The following RALGAPA1 variants were observed in gnomAD, a reference collection of about 807,000 sequenced individuals.
RALGAPA1 encodes the protein ral GTPase-activating protein subunit alpha-1.
A neutral mutation model predicts 269.6 loss-of-function variants in RALGAPA1; 52 were observed. The observed-to-expected ratio is 0.19, with a 90% confidence interval of 0.15 to 0.24. The LOEUF (loss-of-function observed/expected upper bound fraction) is 0.24. Ranked by LOEUF, RALGAPA1 falls within the 10% of genes least tolerant of loss-of-function variation. RALGAPA1 has a pLI of 1.00. For synonymous variants in RALGAPA1, 817 were observed against 1,008.3 expected (o/e 0.81, Z 3.60); for missense variants, 1,917 against 3,013.9 (o/e 0.64, Z 8.52).
At chr14:35,563,020 CAAAAAAAAAA>C (rs71445944) in intron 39 of RALGAPA1, among the ~76,000 whole-genome samples, 10 of 37,254 alleles carry the variant, frequency 2.7e-4, no homozygotes, top group Non-Finnish European at 3.4e-4. Flanking sequence ...GAGTCCGTCT[CAAAAAAAAAA>C]AAAAAAAAAA....
At chr14:35,796,446 C>T (rs1030141899) in intron 1 of RALGAPA1, among the ~76,000 whole-genome samples, 5 of 152,026 alleles carry the variant, frequency 3.3e-5, no homozygotes, top group Non-Finnish European at 7.4e-5. Flanking sequence ...GAGTTCTAAA[C>T]GTAAGGCGGG....
At chr14:35,688,391 T>C in intron 18 of RALGAPA1, 68 bp downstream of exon 18, 1 of 1,521,024 alleles carries the variant, frequency 6.6e-7, no homozygotes, top group Non-Finnish European at 8.8e-7. Context: ...TATAGCTTGC[T>C]TCAGTTGCAT....
intron 7 of RALGAPA1, 22 bp from the exon 8 acceptor site, chr14:35,752,184 A>G: frequency 6.7e-7 from 1 of 1,492,622 alleles, no homozygotes; most frequent in South Asian, 1.3e-5. Context: ...TTATATAATT[A>G]GAATCATTCC....
chr14:35,628,094 A>T, intron 33 of RALGAPA1, 143 bp from the exon 34 acceptor site: 1 of 971,548 alleles, frequency 1.0e-6, no homozygotes, highest in Non-Finnish European at 1.4e-6. Context: ...AATGATGGCA[A>T]AAAAGGAGGA....
At chr14:35,641,526 G>A (rs1033182066) in intron 31 of RALGAPA1, among the ~76,000 whole-genome samples, 2 of 151,926 alleles carry the variant, frequency 1.3e-5, no homozygotes, top group Non-Finnish European at 1.5e-5. Context: ...TAAATAGTTC[G>A]GAATTAATCT....
At chr14:35,544,184 C>G (rs1049948843) in intron 41 of RALGAPA1, among the ~76,000 whole-genome samples, 1 of 152,166 alleles carries the variant, frequency 6.6e-6, no homozygotes, top group Non-Finnish European at 1.5e-5. Context: ...TCATACTTCT[C>G]CCCTGGCAAC....
At chr14:35,754,681 A>T (rs1164943876) in intron 7 of RALGAPA1, among the ~76,000 whole-genome samples, 1 of 152,168 alleles carries the variant, frequency 6.6e-6, no homozygotes, top group Non-Finnish European at 1.5e-5. Flanking sequence ...GTCAATATAT[A>T]CCCCTACTAT....
intron 9 of RALGAPA1, among the ~76,000 whole-genome samples, chr14:35,750,229 G>A (rs935906832): frequency 2.0e-5 from 3 of 151,948 alleles, no homozygotes; most frequent in Non-Finnish European, 4.4e-5. Context: ...TTTTAGTATT[G>A]TATAATTAAA....
intron 10 of RALGAPA1, among the ~76,000 whole-genome samples, chr14:35,747,561 TA>T (rs1162354419): frequency 6.6e-6 from 1 of 152,216 alleles, no homozygotes; most frequent in Non-Finnish European, 1.5e-5. Flanking sequence ...TACACATCAA[TA>T]AGTATGTGTG....
intron 1 of RALGAPA1, among the ~76,000 whole-genome samples, chr14:35,779,733 C>A (rs939514127): frequency 6.6e-6 from 1 of 151,982 alleles, no homozygotes; most frequent in Non-Finnish European, 1.5e-5. Context: ...CAAGATTTTG[C>A]GACATATTAG....
At chr14:35,550,159 A>G (rs1483636024) in intron 39 of RALGAPA1, among the ~76,000 whole-genome samples, 1 of 152,224 alleles carries the variant, frequency 6.6e-6, no homozygotes, top group Non-Finnish European at 1.5e-5. Context: ...GAAAGCAACT[A>G]TGGAAATGGC....
chr14:35,758,411 T>G (rs936447012), intron 6 of RALGAPA1, among the ~76,000 whole-genome samples: 1 of 152,036 alleles, frequency 6.6e-6, no homozygotes, highest in Non-Finnish European at 1.5e-5. Context: ...AATCCACTGT[T>G]CCCATAAAGA....
At position 35,689,070 on chromosome 14, in the gene RALGAPA1, G is replaced by A; in HGVS notation, c.3341C>T (p.Pro1114Leu). The A allele has an allele frequency of 8.1e-7, 1 of 1,235,420 alleles. No individual in the cohort carries two copies. Among genetic ancestry groups the A allele is most frequent in the East Asian group, 3.1e-5 (1 of 31,832 alleles). The allele number at this position is 1,235,420 out of a possible 1,614,324, so 76.5% of individuals were successfully genotyped here. Residue 1114 changes from proline to leucine, a missense_variant, in exon 18 of 42, where the codon CCT becomes CTT. By Grantham distance (98) the Pro-to-Leu change is moderately conservative (BLOSUM62 -3). Coordinates refer to ENST00000680220, the MANE Select transcript of RALGAPA1 (RefSeq NM_001346249.2). ...AAGTTTGCTAGTACTTGTAACATGAGGCATTCTGCGGTTAACAGGTGCTTT... is the reference window on the plus strand; with the variant it reads ...AAGTTTGCTAGTACTTGTAACATGAAGCATTCTGCGGTTAACAGGTGCTTT... Reference protein sequence around the residue: ...TLKAPVNRRMPHVTSTSKLSP... With the variant: ...TLKAPVNRRMLHVTSTSKLSP...
intron 39 of RALGAPA1, among the ~76,000 whole-genome samples, chr14:35,555,388 A>G (rs528950487): frequency 1.3e-5 from 2 of 152,298 alleles, no homozygotes; most frequent in South Asian, 4.1e-4. Context: ...GTGGCCATTT[A>G]TAGAGAAGGG....
At position 35,748,626 on chromosome 14, in the gene RALGAPA1, T is replaced by C; in HGVS notation, c.1210A>G (p.Lys404Glu). The C allele has an allele frequency of 6.2e-7, 1 of 1,611,438 alleles. No homozygotes were observed. The highest frequency in any genetic ancestry group is 8.5e-7 in the Non-Finnish European group (1 of 1,178,572). The change falls in exon 10 of 42, where the codon AAA becomes GAA. Residue 404 changes from lysine (K) to glutamate (E), a missense_variant. Lys to Glu is a moderately conservative substitution (Grantham distance 56). Around this residue, in one of 11 missense-constraint regions of RALGAPA1, gnomAD observed 462 missense variants for 725.6 expected, o/e 0.64. Coordinates refer to ENST00000680220, the MANE Select transcript of RALGAPA1 (RefSeq NM_001346249.2). ...GTCACAAAGTTTACATTACTCCTTT[T>C]AGAAGAAAAAACTCTGCGAACTATT... ...IEIVRRVFSSKRSNVNFVTEI... is the reference protein window; with the variant it reads ...IEIVRRVFSSERSNVNFVTEI...
rs753208295 is a variant in RALGAPA1, at chr14:35,748,781, T to C, written c.1055A>G (p.Asp352Gly). Residue 352 changes from aspartate (D) to glycine (G), a missense_variant, in exon 10 of 42, where the codon GAT becomes GGT. Asp to Gly is a moderately conservative substitution (Grantham distance 94). This residue lies in a region of RALGAPA1 where 462 missense variants were observed against 725.6 expected (regional missense o/e 0.64). Transcript: ENST00000680220. ...SLVSREESKN[D>G]NADKTDRTTE... ...AGTTCTGTCTGTTTTATCAGCATTATCATTTTTGCTTTCTTCTCTGGATAC... is the reference window on the plus strand; with the variant it reads ...AGTTCTGTCTGTTTTATCAGCATTACCATTTTTGCTTTCTTCTCTGGATAC... The C allele has an allele frequency of 1.7e-5, 28 of 1,611,806 alleles. No homozygotes were observed. In the East Asian group the frequency reaches 4.2e-4, roughly 24 times the overall value.
At chr14:35,751,060 T>C (rs1215688108) in intron 8 of RALGAPA1, among the ~76,000 whole-genome samples, 3 of 152,214 alleles carry the variant, frequency 2.0e-5, no homozygotes, top group African/African-American at 7.2e-5. Flanking sequence ...CTGAGCCTGT[T>C]AGTTGCCTAA....
At chr14:35,648,840 C>T (rs539958629) in intron 31 of RALGAPA1, among the ~76,000 whole-genome samples, 6 of 152,120 alleles carry the variant, frequency 3.9e-5, no homozygotes, top group Non-Finnish European at 7.4e-5. Context: ...AAAGCATTTT[C>T]GGGATGATTT....
At chr14:35,545,532 T>C (rs901723175) in intron 41 of RALGAPA1, among the ~76,000 whole-genome samples, 1 of 152,094 alleles carries the variant, frequency 6.6e-6, no homozygotes, top group Non-Finnish European at 1.5e-5. Context: ...AAAAGTGTTA[T>C]GTATGTATAG....
Sources: gnomAD v4.1 joint callset for allele counts (sites outside exome capture counted in the v4.1 genomes callset) on GRCh38, gnomAD v4.1.1 for gene constraint, gnomAD v4.1.1 regional missense constraint, MANE v1.5 for transcripts, NCBI Gene and HGNC (gene_info 2026-07-23, HGNC 2026-07-21) for gene names.